BLTP1: variants seen among roughly 807,000 people sequenced by gnomAD.
BLTP1 encodes the protein bridge-like lipid transfer protein family member 1.
the BLTP1 span, among the ~76,000 whole-genome samples, chr4:122,180,352 A>C: frequency 6.6e-6 from 1 of 152,174 alleles, no homozygotes; most frequent in Non-Finnish European, 1.5e-5. Flanking sequence ...CATGTAAATT[A>C]TATATTTGTT....
chr4:122,333,605 A>G, the BLTP1 span: 6 of 1,561,006 alleles, frequency 3.8e-6, no homozygotes, highest in Non-Finnish European at 5.2e-6. Context: ...TTTTAAAAAG[A>G]TAAGAACATT....
chr4:122,308,399 C>T, the BLTP1 span, among the ~76,000 whole-genome samples: 1 of 151,646 alleles, frequency 6.6e-6, no homozygotes, highest in Non-Finnish European at 1.5e-5. Flanking sequence ...AGATTGATAC[C>T]CCCCAGATAA....
At chr4:122,288,987 GAT>G in the BLTP1 span, 1 of 1,283,712 alleles carries the variant, frequency 7.8e-7, no homozygotes, top group Middle Eastern at 2.0e-4. Context: ...ATCATATAGA[GAT>G]AATTATCTCT....
the BLTP1 span, chr4:122,226,271 C>A: frequency 5.3e-6 from 2 of 377,644 alleles, no homozygotes; most frequent in Non-Finnish European, 7.3e-6. Context: ...CTTTAATCTT[C>A]AAAATACCTG....
At chr4:122,284,821 T>A in the BLTP1 span, among the ~76,000 whole-genome samples, 3 of 152,204 alleles carry the variant, frequency 2.0e-5, no homozygotes, top group Non-Finnish European at 4.4e-5. Context: ...AGTGTATGTA[T>A]AGGCAAAGAC....
chr4:122,227,285 T>C, the BLTP1 span: 49 of 987,990 alleles, frequency 5.0e-5, no homozygotes, highest in Non-Finnish European at 5.9e-5. Context: ...CCACATGTTA[T>C]GCTCTTTTCA....
the BLTP1 span, among the ~76,000 whole-genome samples, chr4:122,212,545 A>G: frequency 6.6e-6 from 1 of 152,134 alleles, no homozygotes; most frequent in Admixed American, 6.5e-5. Context: ...TCAGTTTTTG[A>G]ATACTACTAG....
chr4:122,222,683 C>T, the BLTP1 span, among the ~76,000 whole-genome samples: 1 of 152,054 alleles, frequency 6.6e-6, no homozygotes, highest in African/African-American at 2.4e-5. Flanking sequence ...GCCACTCTCT[C>T]TCTGTGCCTG....
the BLTP1 span, chr4:122,209,137 G>A: frequency 6.6e-4 from 1,048 of 1,588,364 alleles, 13 homozygotes; most frequent in East Asian, 0.022. Context: ...TATTACTTTG[G>A]CTTATTATAA....
At chr4:122,239,851 A>G in the BLTP1 span, 3 of 1,614,104 alleles carry the variant, frequency 1.9e-6, no homozygotes, top group Non-Finnish European at 2.5e-6. Flanking sequence ...TCAATGGCTG[A>G]TAGTGAAGCC....
At chr4:122,178,572 CATAAA>C in the BLTP1 span, among the ~76,000 whole-genome samples, 32 of 152,328 alleles carry the variant, frequency 2.1e-4, no homozygotes, top group African/African-American at 7.5e-4. Flanking sequence ...GACGCCAAGG[CATAAA>C]GAGAAAGGTA....
chr4:122,154,468 G>C, the BLTP1 span: 4 of 985,208 alleles, frequency 4.1e-6, no homozygotes, highest in Non-Finnish European at 4.8e-6. Context: ...TGCTTAGCCT[G>C]TGCATTGGCA....
chr4:122,244,282 G>A, the BLTP1 span, among the ~76,000 whole-genome samples: 1 of 151,950 alleles, frequency 6.6e-6, no homozygotes, highest in Non-Finnish European at 1.5e-5. Context: ...ATATCTGTTG[G>A]CTATTGGTTC....
the BLTP1 span, among the ~76,000 whole-genome samples, chr4:122,292,136 A>G: frequency 6.6e-6 from 1 of 151,932 alleles, no homozygotes; most frequent in Non-Finnish European, 1.5e-5. Flanking sequence ...ACACCCAGCT[A>G]TTTTTTGTAT....
the BLTP1 span, among the ~76,000 whole-genome samples, chr4:122,157,154 C>A: frequency 7.2e-5 from 11 of 152,214 alleles, no homozygotes; most frequent in Non-Finnish European, 1.5e-4. Context: ...TTACCCTTCT[C>A]ATACTTTGTA....
chr4:122,212,188 A>C, the BLTP1 span: 2 of 304,524 alleles, frequency 6.6e-6, no homozygotes, highest in Non-Finnish European at 9.6e-6. Flanking sequence ...TAGCATCTCA[A>C]TATTTGAGTT....
the BLTP1 span, chr4:122,286,503 A>C: frequency 1.2e-6 from 2 of 1,610,242 alleles, no homozygotes; most frequent in Non-Finnish European, 1.7e-6. Context: ...GAGTGAATGA[A>C]CACTAGCACA....
chr4:122,236,672 C>T, the BLTP1 span: 1 of 704,830 alleles, frequency 1.4e-6, no homozygotes, highest in African/African-American at 2.0e-5. Context: ...AAAGATTAAC[C>T]ATCACAAACT....
At chr4:122,261,543 T>A in the BLTP1 span, 1 of 984,204 alleles carries the variant, frequency 1.0e-6, no homozygotes. Context: ...ATTTTTAATT[T>A]TTTTTCATTA....
Sources: gnomAD v4.1 joint callset for allele counts (sites outside exome capture counted in the v4.1 genomes callset) on GRCh38, gnomAD v4.1.1 for gene constraint, MANE v1.5 for transcripts, NCBI Gene and HGNC (gene_info 2026-07-23, HGNC 2026-07-21) for gene names.